The following PLOD2 variants were observed in gnomAD, a reference collection of about 807,000 sequenced individuals.
PLOD2 encodes the protein procollagen-lysine,2-oxoglutarate 5-dioxygenase 2.
In PLOD2, 65 loss-of-function variants were observed where a neutral mutation model predicts 101.0. The observed-to-expected ratio is 0.64, with a 90% CI of 0.53 to 0.79. The LOEUF (loss-of-function observed/expected upper bound fraction) is 0.79, where lower values mean the gene tolerates loss of function less well. Among genes scored for constraint, PLOD2 ranks in the 30% least tolerant of loss-of-function variants. The pLI, the probability that PLOD2 is intolerant of heterozygous loss-of-function variation, is 0.00. For missense variants in PLOD2, 909 were observed against 914.6 expected (o/e 0.99, Z 0.08); for synonymous variants, 314 against 302.9 (o/e 1.04, Z -0.38).
At chr3:146,150,928 C>A (rs2032027777) in intron 1 of PLOD2, among the ~76,000 whole-genome samples, 4 of 152,176 alleles carry the variant, frequency 2.6e-5, no homozygotes, top group Non-Finnish European at 5.9e-5. Context: ...CATATAAAAA[C>A]ACTTGGAACC....
intron 7 of PLOD2, among the ~76,000 whole-genome samples, chr3:146,100,960 A>G (rs1937367597): frequency 6.6e-6 from 1 of 152,210 alleles, no homozygotes; most frequent in African/African-American, 2.4e-5. Context: ...CTGAACTAAG[A>G]AAGTTGCTAT....
chr3:146,157,369 A>G (rs2108151650), intron 1 of PLOD2, among the ~76,000 whole-genome samples: 1 of 152,356 alleles, frequency 6.6e-6, no homozygotes, highest in African/African-American at 2.4e-5. Context: ...AACCAGCTAC[A>G]TTAAGAAGTT....
chr3:146,128,005 C>T (rs1444710453), intron 1 of PLOD2, among the ~76,000 whole-genome samples: 3 of 152,058 alleles, frequency 2.0e-5, no homozygotes, highest in African/African-American at 7.2e-5. Context: ...CAGAGTACAA[C>T]TTTATGTAAA....
chr3:146,097,120 G>T (rs1034535063), intron 7 of PLOD2, among the ~76,000 whole-genome samples: 5 of 149,808 alleles, frequency 3.3e-5, no homozygotes, highest in African/African-American at 1.2e-4. Context: ...CTGTCCAGGA[G>T]GGAGGTGGGG....
At chr3:146,147,099 G>A (rs2031818011) in intron 1 of PLOD2, among the ~76,000 whole-genome samples, 6 of 152,086 alleles carry the variant, frequency 3.9e-5, no homozygotes, top group Admixed American at 3.9e-4. Context: ...TGTAAAGTTA[G>A]TTCATATGAA....
intron 1 of PLOD2, among the ~76,000 whole-genome samples, chr3:146,150,982 C>A (rs2032030446): frequency 6.6e-6 from 1 of 152,166 alleles, no homozygotes. Context: ...GGCCTACTGT[C>A]CTGCATCTAA....
At chr3:146,123,631 C>T (rs2030346629) in intron 2 of PLOD2, among the ~76,000 whole-genome samples, 1 of 151,960 alleles carries the variant, frequency 6.6e-6, no homozygotes, top group Admixed American at 6.6e-5. Flanking sequence ...GATAGCAAAA[C>T]CCATTACAGA....
chr3:146,081,425 CCCTTT>C (rs1197408512), intron 12 of PLOD2, among the ~76,000 whole-genome samples: 2 of 151,998 alleles, frequency 1.3e-5, no homozygotes, highest in East Asian at 3.9e-4. Context: ...AAACTAAATC[CCCTTT>C]CCAAGCTTTT....
intron 8 of PLOD2, 26 bp from the exon 9 acceptor site, chr3:146,088,737 T>C: frequency 1.9e-6 from 3 of 1,563,006 alleles, no homozygotes; most frequent in Non-Finnish European, 2.6e-6. Flanking sequence ...AACATAAAAA[T>C]AAAATTATCA....
At chr3:146,114,233 A>G (rs1461363542) in intron 3 of PLOD2, among the ~76,000 whole-genome samples, 1 of 141,894 alleles carries the variant, frequency 7.0e-6, no homozygotes, top group Non-Finnish European at 1.5e-5. Context: ...TTGCCTTGTG[A>G]TATTTTATTG....
intron 1 of PLOD2, among the ~76,000 whole-genome samples, chr3:146,143,787 C>A (rs888445910): frequency 1.6e-4 from 25 of 152,220 alleles, no homozygotes; most frequent in African/African-American, 5.8e-4. Context: ...CTAATTCACA[C>A]ACATATCTTG....
intron 7 of PLOD2, among the ~76,000 whole-genome samples, chr3:146,102,117 A>G (rs1423145256): frequency 6.6e-6 from 1 of 152,224 alleles, no homozygotes; most frequent in African/African-American, 2.4e-5. Context: ...GCATTTCAGC[A>G]TGTCAGAAGG....
chr3:146,161,031 C>G lies in PLOD2; in HGVS notation c.-42G>C, dbSNP rs1259759282. On this transcript the variant is annotated 5_prime_UTR_variant, in exon 1 of 20. Transcript: ENST00000282903. ...CCGCGCGGGCTCAGGCGCCCACGGC[C>G]CCGCAGCGCCGCGCTTCTCGCGAGA... 11 of 1,320,766 alleles carry G rather than the reference C, an allele frequency of 8.3e-6. No homozygotes were observed. The highest frequency in any genetic ancestry group is 1.2e-5 in the Non-Finnish European group (11 of 939,628). The allele number at this position is 1,320,766 out of a possible 1,614,324, so 81.8% of individuals were successfully genotyped here.
intron 11 of PLOD2, among the ~76,000 whole-genome samples, chr3:146,083,577 C>CTTTTTTT (rs869301001): frequency 9.2e-5 from 7 of 75,774 alleles, no homozygotes; most frequent in East Asian, 4.2e-4. Flanking sequence ...AAGTCTTTTT[C>CTTTTTTT]TTTTTTTTTT....
At chr3:146,103,826 T>TACACAC (rs3059069) in intron 6 of PLOD2, among the ~76,000 whole-genome samples, 85 of 146,608 alleles carry the variant, frequency 5.8e-4, no homozygotes, top group African/African-American at 1.9e-3. Context: ...CACGAGCATG[T>TACACAC]ACACACACAC....
chr3:146,161,172 G>A lies in PLOD2; in HGVS notation c.-183C>T, dbSNP rs2032567945. On this transcript the variant is annotated 5_prime_UTR_variant, in exon 1 of 20. Coordinates refer to ENST00000282903, the MANE Select transcript of PLOD2 (RefSeq NM_182943.3). ...GCAGCTGAGTGAGGTCGTCGGTGGA[G>A]GCACGGAGCAGCAGGCGCCCGGGGC... The A allele has an allele frequency of 2.5e-6, 1 of 395,934 alleles. No individual in the cohort carries two copies. Among genetic ancestry groups the A allele is most frequent in the Non-Finnish European group, 4.4e-6 (1 of 228,224 alleles). The allele number at this position is 395,934 out of a possible 1,614,324, so 24.5% of individuals were successfully genotyped here. A position where few individuals can be genotyped will look rare whatever the true frequency, so the allele number is the denominator to read the frequency against.
chr3:146,125,236 A>G lies in PLOD2; in HGVS notation c.110-1007T>C, dbSNP rs1004083001. On this transcript the variant is annotated intron_variant, in intron 1 of 19. Transcript: ENST00000282903. ...AGGTTTTGAGTATCCCCTAAGCAAC[A>G]ATCACCAAACATGGCAATAATGCAT... Among the ~76,000 whole-genome samples, 8 of 152,294 alleles carry G rather than the reference A, an allele frequency of 5.3e-5. No individual in the cohort carries two copies. The South Asian group carries it at 8.3e-4, about 16-fold the overall frequency.
At chr3:146,156,050 T>C (rs1219690113) in intron 1 of PLOD2, among the ~76,000 whole-genome samples, 1 of 152,192 alleles carries the variant, frequency 6.6e-6, no homozygotes, top group Non-Finnish European at 1.5e-5. Flanking sequence ...TTTAATTCAT[T>C]TTTGATCATG....
chr3:146,093,696 C>A (rs965600136), intron 7 of PLOD2, among the ~76,000 whole-genome samples: 2 of 152,038 alleles, frequency 1.3e-5, no homozygotes, highest in Non-Finnish European at 2.9e-5. Context: ...TCTAAAATCT[C>A]TATTATATAT....
Sources: gnomAD v4.1 joint callset for allele counts (sites outside exome capture counted in the v4.1 genomes callset) on GRCh38, gnomAD v4.1.1 for gene constraint, MANE v1.5 for transcripts, NCBI Gene and HGNC (gene_info 2026-07-23, HGNC 2026-07-21) for gene names.